CCDC68: variants seen among roughly 807,000 people sequenced by gnomAD.
CCDC68 encodes the protein coiled-coil domain-containing protein 68.
Under a neutral mutation model 47.1 loss-of-function variants are expected in CCDC68, and 45 were observed. The ratio of observed to expected loss-of-function variants is 0.96; its 90% CI spans 0.75 to 1.23. The LOEUF (loss-of-function observed/expected upper bound fraction) is 1.23. CCDC68 is among the 50% of genes most tolerant of loss of function. The probability of loss-of-function intolerance (pLI) is 0.00; values close to 1 mark genes in which losing one functional copy is unlikely to be tolerated. For synonymous variants in CCDC68, 131 were observed against 129.5 expected (o/e 1.01, Z -0.08); for missense variants, 353 against 373.6 (o/e 0.94, Z 0.45).
rs1205193678 is a variant in CCDC68, at chr18:54,928,835, T to C, written c.648A>G (p.Leu216=). 1 of 1,612,788 alleles carries C rather than the reference T, an allele frequency of 6.2e-7. No homozygotes were observed. Among genetic ancestry groups the C allele is most frequent in the East Asian group, 2.2e-5 (1 of 44,870 alleles). Residue 216 remains leucine, a synonymous_variant, in exon 8 of 12, where the codon CTA becomes CTG. Coordinates refer to ENST00000591504, the MANE Select transcript of CCDC68 (RefSeq NM_025214.3). ...ATGTAGCACTGGATTTGAGTTGCAG[T>C]AGCTTGTTTTCCAAAGACAGTTTTC... is the stretch of plus-strand genomic sequence containing the variant. ...LERKLSLENK[L]LQLKSSATYG... is the part of the protein sequence containing the mutation.
chr18:54,924,654 G>T (rs2044116203), intron 8 of CCDC68, among the ~76,000 whole-genome samples: 1 of 152,188 alleles, frequency 6.6e-6, no homozygotes, highest in African/African-American at 2.4e-5. Context: ...AATGTGAAAA[G>T]AAATTACTTT....
intron 8 of CCDC68, among the ~76,000 whole-genome samples, chr18:54,926,831 T>A (rs2044153811): frequency 6.6e-6 from 1 of 152,194 alleles, no homozygotes; most frequent in African/African-American, 2.4e-5. Context: ...GATTGAGCAA[T>A]CTTGGACAAC....
In CCDC68 at chr18:54,902,386, A is replaced by G. The variant is rs1356078310; in HGVS notation, c.*1972T>C. On this transcript the variant is annotated 3_prime_UTR_variant, in exon 12 of 12. Transcript: ENST00000591504. Reference sequence around the variant, plus strand: ...TACAATCCAGCATGATGAATGAGGTATAAAAGGAATCTGGTCTCCTAGTAA... The same window carrying G: ...TACAATCCAGCATGATGAATGAGGTGTAAAAGGAATCTGGTCTCCTAGTAA... 1 of 152,238 alleles carries G rather than the reference A, an allele frequency of 6.6e-6. No individual in the cohort carries two copies. Among genetic ancestry groups the G allele is most frequent in the East Asian group, 1.9e-4 (1 of 5,196 alleles). The allele number at this position is 152,238 out of a possible 1,614,324, so 9.4% of individuals were successfully genotyped here.
At chr18:54,914,664 T>G (rs2043914541) in intron 10 of CCDC68, among the ~76,000 whole-genome samples, 1 of 152,088 alleles carries the variant, frequency 6.6e-6, no homozygotes, top group African/African-American at 2.4e-5. Flanking sequence ...TGGCTTGGGT[T>G]GAGCTACGTA....
chr18:54,950,480 A>G (rs1313006404), intron 1 of CCDC68, among the ~76,000 whole-genome samples: 1 of 152,104 alleles, frequency 6.6e-6, no homozygotes, highest in Non-Finnish European at 1.5e-5. Context: ...AGCACAGTAT[A>G]CGAAAGACAT....
chr18:54,916,728 G>C (rs2043959443), intron 10 of CCDC68, among the ~76,000 whole-genome samples: 1 of 152,150 alleles, frequency 6.6e-6, no homozygotes, highest in South Asian at 2.1e-4. Context: ...GCAGAGGACA[G>C]CAGCTGAGTG....
intron 8 of CCDC68, among the ~76,000 whole-genome samples, chr18:54,924,669 C>T (rs1599048993): frequency 6.6e-6 from 1 of 152,286 alleles, no homozygotes; most frequent in East Asian, 1.9e-4. Flanking sequence ...TACTTTGCCT[C>T]TAATTAGCAA....
At chr18:54,910,743 G>A (rs986814318) in intron 10 of CCDC68, among the ~76,000 whole-genome samples, 35 of 152,354 alleles carry the variant, frequency 2.3e-4, no homozygotes, top group African/African-American at 7.7e-4. Context: ...AAAGTCCAGA[G>A]GGGGTTGAGG....
chr18:54,921,439 C>A (rs2044058591), intron 8 of CCDC68, among the ~76,000 whole-genome samples: 1 of 152,070 alleles, frequency 6.6e-6, no homozygotes, highest in Non-Finnish European at 1.5e-5. Flanking sequence ...TTTACAATTA[C>A]AAAAGAAATT....
intron 8 of CCDC68, among the ~76,000 whole-genome samples, chr18:54,923,728 T>A (rs1326021828): frequency 6.6e-6 from 1 of 152,150 alleles, no homozygotes; most frequent in Non-Finnish European, 1.5e-5. Flanking sequence ...TTTTTTTTTT[T>A]TTAAACAAAG....
intron 1 of CCDC68, among the ~76,000 whole-genome samples, chr18:54,953,305 A>C (rs1228701061): frequency 6.6e-6 from 1 of 152,174 alleles, no homozygotes; most frequent in Admixed American, 6.5e-5. Flanking sequence ...ACAATAGTCT[A>C]TACTGAAAAA....
chr18:54,957,203 CAT>C (rs1180827902), intron 1 of CCDC68, among the ~76,000 whole-genome samples: 2 of 152,204 alleles, frequency 1.3e-5, no homozygotes, highest in Admixed American at 6.5e-5. Flanking sequence ...GCCTGGAACA[CAT>C]GATTCCTAAG....
At chr18:54,958,553 A>G (rs920336358) in intron 1 of CCDC68, among the ~76,000 whole-genome samples, 5 of 152,238 alleles carry the variant, frequency 3.3e-5, no homozygotes, top group African/African-American at 1.2e-4. Flanking sequence ...TAAAACAATC[A>G]GAATATAATG....
intron 9 of CCDC68, 27 bp downstream of exon 9, chr18:54,919,244 C>T: frequency 6.4e-7 from 1 of 1,561,666 alleles, no homozygotes; most frequent in Admixed American, 1.7e-5. Flanking sequence ...TACTGTCTAC[C>T]AGATAAATAC....
Position 54,922,994 on chromosome 18 carries a change from A to AT in CCDC68, c.684-3619_684-3618insA, listed in dbSNP as rs1157657830. Among the ~76,000 whole-genome samples the AT allele has an allele frequency of 4.4e-3, 662 of 150,468 alleles. 10 individuals are homozygous for AT. The highest frequency in any genetic ancestry group is 0.015 in the African/African-American group (626 of 41,188). The stretch of plus-strand genomic sequence containing the variant: ...CAGAGCAAGACTCCGTCTCAAAAAA[A>AT]AAAAAAAAAAAAAAAAAAAGATCAA... On this transcript the variant is annotated intron_variant, in intron 8 of 11. Coordinates refer to ENST00000591504, the MANE Select transcript of CCDC68 (RefSeq NM_025214.3).
chr18:54,955,113 G>T (rs2044689784), intron 1 of CCDC68, among the ~76,000 whole-genome samples: 1 of 152,132 alleles, frequency 6.6e-6, no homozygotes, highest in African/African-American at 2.4e-5. Context: ...TTAAGGCTGG[G>T]AATTGGAGGC....
At chr18:54,930,594 C>CCTTT (rs1416397085) in intron 7 of CCDC68, among the ~76,000 whole-genome samples, 1 of 129,920 alleles carries the variant, frequency 7.7e-6, no homozygotes, top group Non-Finnish European at 1.7e-5. Context: ...TCACTCCCTT[C>CCTTT]CTTCCTTCCT....
At chr18:54,949,260 TGTTGGG>T (rs1221459660) in intron 1 of CCDC68, among the ~76,000 whole-genome samples, 12 of 152,282 alleles carry the variant, frequency 7.9e-5, no homozygotes, top group Non-Finnish European at 1.6e-4. Flanking sequence ...CTTCCCAAAG[TGTTGGG>T]ATTACAGGCA....
At chr18:54,939,360 C>A (rs760255606) in intron 4 of CCDC68, among the ~76,000 whole-genome samples, 1 of 151,748 alleles carries the variant, frequency 6.6e-6, no homozygotes, top group Non-Finnish European at 1.5e-5. Context: ...CAGTGCTTTT[C>A]AAACTTCAAT....
Sources: allele counts gnomAD v4.1 joint callset (sites outside exome capture counted in the v4.1 genomes callset), GRCh38; gene constraint gnomAD v4.1.1; transcripts MANE v1.5; gene names NCBI Gene and HGNC (gene_info 2026-07-23, HGNC 2026-07-21).